Variants in CSMD1 observed in about 807,000 individuals in gnomAD.
CSMD1 encodes the protein CUB and sushi domain-containing protein 1.
A neutral mutation model predicts 417.5 loss-of-function variants in CSMD1; 213 were observed. That is an observed-to-expected ratio of 0.51 (90% CI 0.46 to 0.57). The LOEUF is 0.57. Ranked by LOEUF, CSMD1 falls within the 20% of genes least tolerant of loss-of-function variation. CSMD1 has a pLI of 0.00. For missense variants in CSMD1, 6,923 were observed against 4,529.7 expected (o/e 1.53, Z -15.17); for synonymous variants, 2,862 against 1,736.8 (o/e 1.65, Z -16.11).
chr8:3,932,425 G>A (rs1001637233), intron 5 of CSMD1, among the ~76,000 whole-genome samples: 1 of 150,232 alleles, frequency 6.7e-6, no homozygotes, highest in African/African-American at 2.5e-5. Flanking sequence ...ATTTCTCATG[G>A]TATTTCACTC....
intron 7 of CSMD1, among the ~76,000 whole-genome samples, chr8:3,692,232 C>T (rs1490833097): frequency 6.6e-6 from 1 of 152,152 alleles, no homozygotes; most frequent in Non-Finnish European, 1.5e-5. Context: ...GGGGCAAAAT[C>T]CTTCACAGCC....
chr8:4,713,605 G>A (rs1327022069), intron 1 of CSMD1, among the ~76,000 whole-genome samples: 1 of 151,740 alleles, frequency 6.6e-6, no homozygotes, highest in Non-Finnish European at 1.5e-5. Flanking sequence ...TTCACCATAT[G>A]ATAATGCATA....
intron 3 of CSMD1, among the ~76,000 whole-genome samples, chr8:4,058,502 T>G (rs1350250706): frequency 6.6e-6 from 1 of 152,132 alleles, no homozygotes; most frequent in Non-Finnish European, 1.5e-5. Flanking sequence ...TGCCTTCCTC[T>G]TTTCCTAACT....
intron 2 of CSMD1, among the ~76,000 whole-genome samples, chr8:4,461,142 A>G (rs1403891371): frequency 7.8e-6 from 1 of 128,882 alleles, no homozygotes; most frequent in Non-Finnish European, 1.6e-5. Flanking sequence ...ACAATAAAAT[A>G]AAGTCAGCTG....
At chr8:4,580,881 G>A (rs956051802) in intron 2 of CSMD1, among the ~76,000 whole-genome samples, 17 of 152,088 alleles carry the variant, frequency 1.1e-4, no homozygotes, top group Non-Finnish European at 2.1e-4. Context: ...ATAATTTATT[G>A]CATTTTTCCC....
intron 1 of CSMD1, among the ~76,000 whole-genome samples, chr8:4,837,169 C>T (rs1029913821): frequency 4.6e-5 from 7 of 151,986 alleles, no homozygotes; most frequent in Middle Eastern, 3.4e-3. Flanking sequence ...CTAACACATG[C>T]GGGTGAGGAT....
intron 3 of CSMD1, among the ~76,000 whole-genome samples, chr8:4,297,726 G>C (rs1797762902): frequency 6.6e-6 from 1 of 152,092 alleles, no homozygotes; most frequent in Non-Finnish European, 1.5e-5. Context: ...TGTGTTGGAA[G>C]ATCATTCAAT....
intron 10 of CSMD1, among the ~76,000 whole-genome samples, chr8:3,570,697 C>G (rs1451600701): frequency 2.6e-5 from 4 of 152,170 alleles, no homozygotes; most frequent in Admixed American, 6.5e-5. Flanking sequence ...TTTTAGTTGG[C>G]TCTTCTGTTA....
In CSMD1 at chr8:3,919,184, C is replaced by CA. The variant is rs71203490; in HGVS notation, c.818+78718dup. Among the ~76,000 whole-genome samples the CA allele has an allele frequency of 2.8e-3, 259 of 91,804 alleles. 1 individual carries two copies. The highest frequency in any genetic ancestry group is 7.2e-3 in the African/African-American group (193 of 26,848). The allele number at this position is 91,804 out of a possible 152,430, so 60.2% of individuals were successfully genotyped here. Reference sequence around the variant, plus strand: ...TTGCCTGTACTTTTCGTGTCATATCCAAAAAAAAAAAAAAAAAAAAAAAAA... The same window carrying CA: ...TTGCCTGTACTTTTCGTGTCATATCCAAAAAAAAAAAAAAAAAAAAAAAAAA... On this transcript the variant is annotated intron_variant, in intron 5 of 69. Coordinates refer to ENST00000635120, the MANE Select transcript of CSMD1 (RefSeq NM_033225.6).
chr8:4,501,254 A>T (rs1802245806), intron 2 of CSMD1, among the ~76,000 whole-genome samples: 1 of 152,130 alleles, frequency 6.6e-6, no homozygotes, highest in Non-Finnish European at 1.5e-5. Flanking sequence ...TTACTGCTAG[A>T]TAGTTTATTC....
intron 30 of CSMD1, 34 bp from the exon 31 acceptor site, chr8:3,205,654 T>C (rs1330558735): frequency 4.6e-6 from 5 of 1,086,896 alleles, no homozygotes; most frequent in Middle Eastern, 2.2e-4. Flanking sequence ...TTAGTCGCTG[T>C]GCAATAATAG....
intron 5 of CSMD1, among the ~76,000 whole-genome samples, chr8:3,782,250 T>C (rs1799222680): frequency 6.6e-6 from 1 of 152,184 alleles, no homozygotes; most frequent in Non-Finnish European, 1.5e-5. Context: ...ATGTTAGTTT[T>C]GTGCTTGCTT....
At chr8:3,267,148 C>T (rs996293899) in intron 26 of CSMD1, among the ~76,000 whole-genome samples, 3 of 152,030 alleles carry the variant, frequency 2.0e-5, no homozygotes, top group Admixed American at 6.6e-5. Flanking sequence ...CGGCAGCCAG[C>T]GGGAATGTCT....
At chr8:3,277,231 G>A (rs1291889899) in intron 26 of CSMD1, among the ~76,000 whole-genome samples, 11 of 152,246 alleles carry the variant, frequency 7.2e-5, no homozygotes, top group Admixed American at 6.5e-4. Context: ...CTTATTTTTG[G>A]CAGTGGGGAG....
intron 2 of CSMD1, among the ~76,000 whole-genome samples, chr8:4,573,148 T>C (rs947430592): frequency 1.3e-5 from 2 of 152,114 alleles, no homozygotes; most frequent in South Asian, 2.1e-4. Context: ...CCCTGTCCCG[T>C]TGTGTTCCCT....
intron 4 of CSMD1, among the ~76,000 whole-genome samples, chr8:4,002,640 G>A (rs181385235): frequency 4.6e-5 from 7 of 152,190 alleles, no homozygotes; most frequent in African/African-American, 1.7e-4. Context: ...CCCACATATC[G>A]CTAAAGGATA....
rs552654150 is a variant in CSMD1 at position 4,128,342 on chromosome 8, C to T, written c.416-96243G>A. 1.6e-3 allele frequency among the ~76,000 whole-genome samples: 250 copies of T among 152,226 alleles called. 1 individual carries two copies. Among genetic ancestry groups the T allele is most frequent in the Non-Finnish European group, 2.0e-3 (136 of 68,030 alleles). ...TCAGTTTTTAATGAGGAGACAAGAA[C>T]GTGAACCAAGTAAAAACTTATGTGG... On this transcript the variant is annotated intron_variant, in intron 3 of 69. Coordinates refer to ENST00000635120, the MANE Select transcript of CSMD1 (RefSeq NM_033225.6).
intron 3 of CSMD1, among the ~76,000 whole-genome samples, chr8:4,263,153 T>C (rs558602593): frequency 2.6e-5 from 4 of 152,140 alleles, no homozygotes; most frequent in Non-Finnish European, 5.9e-5. Context: ...ATGTATTACG[T>C]AAAAGCAATG....
Position 4,012,929 on chromosome 8 carries a change from C to G in CSMD1, c.611-14819G>C, listed in dbSNP as rs1345001279. On this transcript the variant is annotated intron_variant, in intron 4 of 69. Transcript: ENST00000635120. ...TTCCATCAGCACCTTCTTTAAACAG[C>G]ATTCTGAGTCCAAATGTGTCTGGCC... Among the ~76,000 whole-genome samples the G allele has an allele frequency of 8.5e-5, 13 of 152,072 alleles. 1 individual carries two copies. Among genetic ancestry groups the G allele is most frequent in the Admixed American group, 8.5e-4 (13 of 15,266 alleles).
Sources: allele counts gnomAD v4.1 joint callset (sites outside exome capture counted in the v4.1 genomes callset), GRCh38; gene constraint gnomAD v4.1.1; transcripts MANE v1.5; gene names NCBI Gene and HGNC (gene_info 2026-07-23, HGNC 2026-07-21).